Variants in TXNDC16 observed in about 807,000 individuals in gnomAD.
The protein encoded by TXNDC16 is thioredoxin domain containing 16, also known as thioredoxin domain-containing protein 16.
In TXNDC16, 74 loss-of-function variants were observed where a neutral mutation model predicts 85.6. That is an observed-to-expected ratio of 0.86 (90% CI 0.72 to 1.05). TXNDC16 has a LOEUF of 1.05. Among genes scored for constraint, TXNDC16 ranks in the 50% least tolerant of loss-of-function variants. The probability of loss-of-function intolerance (pLI) is 0.00; values close to 1 mark genes in which losing one functional copy is unlikely to be tolerated. For missense variants in TXNDC16, 959 were observed against 947.0 expected (o/e 1.01, Z -0.17); for synonymous variants, 335 against 326.5 (o/e 1.03, Z -0.28).
intron 6 of TXNDC16, among the ~76,000 whole-genome samples, chr14:52,532,777 T>C (rs896621072): frequency 1.3e-5 from 2 of 150,980 alleles, no homozygotes; most frequent in African/African-American, 4.9e-5. Context: ...ACTGTAAGAG[T>C]ACAACAGAAA....
intron 6 of TXNDC16, among the ~76,000 whole-genome samples, chr14:52,529,160 A>C (rs982118784): frequency 1.3e-5 from 2 of 151,254 alleles, no homozygotes; most frequent in Non-Finnish European, 2.9e-5. Context: ...AAAAATGATG[A>C]GTTCATGTCC....
At chr14:52,455,178 A>G (rs11623917) in intron 18 of TXNDC16, 146 bp downstream of exon 18, 82,340 of 889,936 alleles carry the variant, frequency 0.093, 4,135 homozygotes, top group East Asian at 0.14. Flanking sequence ...ACTGAACAAT[A>G]AAACAGAACA....
chr14:52,473,271 G>A (rs1006077386), intron 14 of TXNDC16, among the ~76,000 whole-genome samples: 1 of 151,984 alleles, frequency 6.6e-6, no homozygotes. Flanking sequence ...TTCCTGGTGC[G>A]CGACAACGAA....
rs1461706589 is a variant in TXNDC16 at position 52,462,775 on chromosome 14, T to A, written c.1619-5601A>T. 4 of 369,258 alleles carry A rather than the reference T, an allele frequency of 1.1e-5. No homozygotes were observed. The East Asian group carries it at 2.9e-4, about 27-fold the overall frequency. The allele number at this position is 369,258 out of a possible 1,614,324, so 22.9% of individuals were successfully genotyped here. On this transcript the variant is annotated intron_variant, in intron 16 of 20. Coordinates refer to ENST00000281741, the MANE Select transcript of TXNDC16 (RefSeq NM_020784.3). ...TAAATGTACTTCTAAAGTGTAGCATTTTTCATTTGAAATGTTCTACTGCAA... is the reference window on the plus strand; with the variant it reads ...TAAATGTACTTCTAAAGTGTAGCATATTTCATTTGAAATGTTCTACTGCAA...
intron 4 of TXNDC16, among the ~76,000 whole-genome samples, chr14:52,538,938 T>C (rs192816207): frequency 6.6e-6 from 1 of 152,138 alleles, no homozygotes; most frequent in Non-Finnish European, 1.5e-5. Flanking sequence ...AACCAAAAAG[T>C]AAATTTTAAT....
chr14:52,440,328 C>T (rs1303960433), intron 19 of TXNDC16, among the ~76,000 whole-genome samples: 1 of 152,034 alleles, frequency 6.6e-6, no homozygotes, highest in Non-Finnish European at 1.5e-5. Flanking sequence ...GCATCAATTC[C>T]TTTTAAAAAG....
At chr14:52,432,724 T>C (rs1291713447) in intron 20 of TXNDC16, 137 bp from the exon 21 acceptor site, 2 of 859,090 alleles carry the variant, frequency 2.3e-6, no homozygotes, top group African/African-American at 3.5e-5. Context: ...TAAGCAAAGC[T>C]AGGAATTTTT....
chr14:52,529,974 C>T (rs1296291010), intron 6 of TXNDC16, among the ~76,000 whole-genome samples: 4 of 70,324 alleles, frequency 5.7e-5, no homozygotes, highest in Admixed American at 2.5e-4. Context: ...ATACATATAA[C>T]AATATGTAAT....
chr14:52,487,174 A>AAGAGACC (rs2036290080), intron 12 of TXNDC16, among the ~76,000 whole-genome samples: 1 of 152,176 alleles, frequency 6.6e-6, no homozygotes, highest in African/African-American at 2.4e-5. Flanking sequence ...AGCAGGAAAC[A>AAGAGACC]AGAGACCAGA....
At chr14:52,495,508 T>G (rs943526265) in intron 9 of TXNDC16, among the ~76,000 whole-genome samples, 14 of 152,108 alleles carry the variant, frequency 9.2e-5, no homozygotes, top group African/African-American at 3.1e-4. Flanking sequence ...CAGGTTCAGG[T>G]AGAGAAGTCA....
chr14:52,499,108 T>C (rs2036597469), intron 9 of TXNDC16, among the ~76,000 whole-genome samples: 1 of 152,152 alleles, frequency 6.6e-6, no homozygotes, highest in African/African-American at 2.4e-5. Flanking sequence ...CTGGGAAAAC[T>C]GGATATCCAC....
chr14:52,516,378 A>T (rs1421651737), intron 7 of TXNDC16, among the ~76,000 whole-genome samples: 1 of 152,154 alleles, frequency 6.6e-6, no homozygotes, highest in African/African-American at 2.4e-5. Flanking sequence ...GGTTCTAGTC[A>T]TTTCCCATTT....
chr14:52,467,759 A>G (rs778970581), intron 16 of TXNDC16, among the ~76,000 whole-genome samples: 27 of 152,210 alleles, frequency 1.8e-4, no homozygotes, highest in Non-Finnish European at 3.5e-4. Flanking sequence ...TGTACTCAAA[A>G]TAATTGAAAG....
chr14:52,550,059 A>C (rs2038014787), intron 1 of TXNDC16, among the ~76,000 whole-genome samples: 1 of 152,204 alleles, frequency 6.6e-6, no homozygotes, highest in Non-Finnish European at 1.5e-5. Flanking sequence ...GCTGACACCA[A>C]GCTTTTCTAG....
chr14:52,547,219 G>A (rs1370526865), intron 1 of TXNDC16, among the ~76,000 whole-genome samples: 1 of 152,164 alleles, frequency 6.6e-6, no homozygotes, highest in Non-Finnish European at 1.5e-5. Context: ...GAGGTCAGAG[G>A]CCATATGCTC....
At chr14:52,506,337 C>G (rs1205831386) in intron 9 of TXNDC16, among the ~76,000 whole-genome samples, 2 of 152,112 alleles carry the variant, frequency 1.3e-5, no homozygotes, top group African/African-American at 4.8e-5. Context: ...AAAATACTGG[C>G]AAACCAAATC....
intron 16 of TXNDC16, among the ~76,000 whole-genome samples, chr14:52,467,175 T>C (rs1449544081): frequency 6.6e-6 from 1 of 151,296 alleles, no homozygotes; most frequent in Non-Finnish European, 1.5e-5. Context: ...AAATCACATA[T>C]AGAGGAGAAA....
chr14:52,541,867 T>A (rs1432263215), intron 4 of TXNDC16, among the ~76,000 whole-genome samples: 1 of 152,234 alleles, frequency 6.6e-6, no homozygotes, highest in Non-Finnish European at 1.5e-5. Context: ...AGAAAAAAAT[T>A]AAGTATGTAA....
chr14:52,539,637 C>G (rs899159647), intron 4 of TXNDC16, among the ~76,000 whole-genome samples: 5 of 151,992 alleles, frequency 3.3e-5, no homozygotes, highest in Non-Finnish European at 5.9e-5. Context: ...TGTGGTTTCC[C>G]CAATGAGAAG....
Sources: allele counts gnomAD v4.1 joint callset (sites outside exome capture counted in the v4.1 genomes callset), GRCh38; gene constraint gnomAD v4.1.1; transcripts MANE v1.5; gene names NCBI Gene and HGNC (gene_info 2026-07-23, HGNC 2026-07-21).